Variants in MARCHF6 observed in about 807,000 individuals in gnomAD.
The protein encoded by MARCHF6 is membrane associated ring-CH-type finger 6.
In MARCHF6, 31 loss-of-function variants were observed where a neutral mutation model predicts 133.7. The ratio of observed to expected loss-of-function variants is 0.23; its 90% CI spans 0.17 to 0.31. The LOEUF is 0.31. MARCHF6 is among the 10% of genes least tolerant of loss of function. MARCHF6 has a pLI of 1.00. For synonymous variants in MARCHF6, 395 were observed against 402.5 expected (o/e 0.98, Z 0.22); for missense variants, 723 against 1,121.6 (o/e 0.64, Z 5.08).
At chr5:10,361,224 A>G (rs1735802388) in intron 1 of MARCHF6, among the ~76,000 whole-genome samples, 1 of 152,244 alleles carries the variant, frequency 6.6e-6, no homozygotes, top group Admixed American at 6.5e-5. Context: ...GGAGTTAAAA[A>G]TGATTGATTT....
chr5:10,382,539 C>T (rs1309921655), intron 4 of MARCHF6, among the ~76,000 whole-genome samples: 5 of 148,684 alleles, frequency 3.4e-5, no homozygotes, highest in Admixed American at 6.7e-5. Context: ...TAAAAAAATA[C>T]TCACATGGCC....
At chr5:10,408,606 A>G (rs1219694089) in intron 17 of MARCHF6, among the ~76,000 whole-genome samples, 1 of 152,168 alleles carries the variant, frequency 6.6e-6, no homozygotes, top group East Asian at 1.9e-4. Context: ...TGGTATGATC[A>G]TGGCTCACTG....
At chr5:10,427,433 C>T (rs777758075) in intron 24 of MARCHF6, among the ~76,000 whole-genome samples, 1 of 152,172 alleles carries the variant, frequency 6.6e-6, no homozygotes, top group Non-Finnish European at 1.5e-5. Context: ...TTACAAGGCT[C>T]CTCCTTTTGC....
intron 4 of MARCHF6, 43 bp downstream of exon 4, chr5:10,381,986 T>C (rs1275970502): frequency 1.9e-6 from 3 of 1,554,250 alleles, no homozygotes; most frequent in African/African-American, 1.4e-5. Context: ...AAACATTGCA[T>C]AACTACTTAA....
intron 10 of MARCHF6, among the ~76,000 whole-genome samples, chr5:10,398,352 T>G (rs1738313276): frequency 6.6e-6 from 1 of 152,180 alleles, no homozygotes; most frequent in Non-Finnish European, 1.5e-5. Context: ...AAAAATTGAT[T>G]TCTGTGTATT....
At chr5:10,358,729 CTG>C (rs1485955217) in intron 1 of MARCHF6, among the ~76,000 whole-genome samples, 1 of 152,076 alleles carries the variant, frequency 6.6e-6, no homozygotes, top group East Asian at 1.9e-4. Context: ...TGCAGATGAA[CTG>C]TGTAGTCTAG....
intron 1 of MARCHF6, among the ~76,000 whole-genome samples, chr5:10,369,610 C>A (rs1165707768): frequency 3.8e-4 from 9 of 23,488 alleles, no homozygotes; most frequent in Admixed American, 2.8e-3. Flanking sequence ...ATTACCCCCC[C>A]CCCCCCTTGC....
chr5:10,395,927 T>G, intron 9 of MARCHF6, among the ~76,000 whole-genome samples: 1 of 152,162 alleles, frequency 6.6e-6, no homozygotes, highest in East Asian at 1.9e-4. Context: ...CTAGTCATGG[T>G]TTGATCACAG....
At chr5:10,405,523 G>C (rs1049717723) in intron 15 of MARCHF6, 35 bp from the exon 16 acceptor site, 2 of 1,550,316 alleles carry the variant, frequency 1.3e-6, no homozygotes, top group African/African-American at 2.8e-5. Flanking sequence ...TGAAGACATT[G>C]GTGAATATTC....
intron 1 of MARCHF6, among the ~76,000 whole-genome samples, chr5:10,355,755 TGATTAAGTA>T (rs1157040149): frequency 6.6e-6 from 1 of 152,222 alleles, no homozygotes; most frequent in African/African-American, 2.4e-5. Flanking sequence ...ATGGTTAGTA[TGATTAAGTA>T]ACTTGTCCAG....
chr5:10,358,877 CAT>C (rs994566024), intron 1 of MARCHF6, among the ~76,000 whole-genome samples: 28 of 152,154 alleles, frequency 1.8e-4, no homozygotes, highest in African/African-American at 5.8e-4. Context: ...CACACACAAA[CAT>C]GTAATGGAGA....
chr5:10,403,282 T>G (rs1460370173), intron 14 of MARCHF6, 125 bp from the exon 15 acceptor site: 1 of 829,972 alleles, frequency 1.2e-6, no homozygotes, highest in African/African-American at 1.7e-5. Flanking sequence ...TGACATTAAG[T>G]GAACTGCAGT....
Position 10,394,799 on chromosome 5 carries a change from ATTTTTTTT to A in MARCHF6, c.861+25_861+32del. 8.0e-7 allele frequency: 1 copy of A among 1,242,698 alleles called. No individual in the cohort carries two copies. Among genetic ancestry groups the A allele is most frequent in the African/African-American group, 1.7e-5 (1 of 60,450 alleles). The allele number at this position is 1,242,698 out of a possible 1,614,324, so 77.0% of individuals were successfully genotyped here. A position where few individuals can be genotyped will look rare whatever the true frequency, so the allele number is the denominator to read the frequency against. On this transcript the variant is annotated intron_variant, in intron 9 of 25. Transcript: ENST00000274140. ...CTAGTTTTTCTGGTAAGTAAAACTA[ATTTTTTTT>A]TTTTTTTTTTGAGACGGAATCTCAC...
Position 10,436,501 on chromosome 5 carries a change from A to C in MARCHF6, c.*2817A>C, listed in dbSNP as rs1342557258. 2 of 151,950 alleles carry C rather than the reference A, an allele frequency of 1.3e-5. No homozygotes were observed. Among genetic ancestry groups the C allele is most frequent in the Non-Finnish European group, 2.9e-5 (2 of 67,998 alleles). The allele number at this position is 151,950 out of a possible 1,614,324, so 9.4% of individuals were successfully genotyped here. ...AAATTTTTTTTTAAATTATACTATT[A>C]TTTTGCTTAATTTTATATTGGGTTA... is the stretch of plus-strand genomic sequence containing the variant. On this transcript the variant is annotated 3_prime_UTR_variant, in exon 26 of 26. Coordinates refer to ENST00000274140, the MANE Select transcript of MARCHF6 (RefSeq NM_005885.4).
rs554897567 is a variant in MARCHF6 at position 10,419,424 on chromosome 5, T to C, written c.2283+2020T>C. Among the ~76,000 whole-genome samples the C allele has an allele frequency of 2.6e-5, 4 of 152,328 alleles. No individual in the cohort carries two copies. The South Asian group carries it at 8.3e-4, about 32-fold the overall frequency. ...CATTGTGATAGGCTGGGCTAAGCTA[T>C]GATGTTCGGTAGGTTAGATGTATTA... On this transcript the variant is annotated intron_variant, in intron 22 of 25. Transcript: ENST00000274140.
intron 1 of MARCHF6, among the ~76,000 whole-genome samples, chr5:10,365,544 C>T (rs1736093585): frequency 6.6e-6 from 1 of 152,114 alleles, no homozygotes; most frequent in Non-Finnish European, 1.5e-5. Context: ...AGGTGATCCG[C>T]CCACCTCAGC....
intron 24 of MARCHF6, among the ~76,000 whole-genome samples, chr5:10,428,071 A>C (rs1323844799): frequency 6.6e-6 from 1 of 152,090 alleles, no homozygotes; most frequent in African/African-American, 2.4e-5. Context: ...TCTCAAAAAA[A>C]AAAAATTGCT....
intron 24 of MARCHF6, among the ~76,000 whole-genome samples, chr5:10,427,191 C>G (rs563865548): frequency 6.6e-6 from 1 of 152,320 alleles, no homozygotes; most frequent in South Asian, 2.1e-4. Context: ...AGAATCTGGT[C>G]TCTCGTCTCT....
At chr5:10,424,521 T>G (rs1233965673) in intron 23 of MARCHF6, among the ~76,000 whole-genome samples, 2 of 152,208 alleles carry the variant, frequency 1.3e-5, no homozygotes, top group African/African-American at 4.8e-5. Flanking sequence ...AAGAGGCATA[T>G]TTTTAGGGTG....
Sources: allele counts gnomAD v4.1 joint callset (sites outside exome capture counted in the v4.1 genomes callset), GRCh38; gene constraint gnomAD v4.1.1; transcripts MANE v1.5; gene names NCBI Gene and HGNC (gene_info 2026-07-23, HGNC 2026-07-21).